The following PROM1 variants were observed in gnomAD, a reference collection of about 807,000 sequenced individuals.
PROM1 encodes the protein prominin 1, also known as prominin-1.
Under a neutral mutation model 116.9 loss-of-function variants are expected in PROM1, and 105 were observed. The observed-to-expected ratio is 0.90, with a 90% confidence interval of 0.77 to 1.06. The LOEUF (loss-of-function observed/expected upper bound fraction) is 1.06. Ranked by LOEUF, PROM1 falls within the 50% of genes least tolerant of loss-of-function variation. PROM1 has a pLI of 0.00. For missense variants in PROM1, 1,122 were observed against 1,045.2 expected (o/e 1.07, Z -1.01); for synonymous variants, 393 against 387.0 (o/e 1.02, Z -0.18).
intron 16 of PROM1, among the ~76,000 whole-genome samples, chr4:15,993,267 GGAAAC>G (rs1721510319): frequency 6.6e-6 from 1 of 152,112 alleles, no homozygotes; most frequent in East Asian, 1.9e-4. Flanking sequence ...CTCTCATTCT[GGAAAC>G]CCAAAAGAGA....
intron 1 of PROM1, chr4:16,080,034 A>AG: frequency 1.3e-5 from 2 of 151,298 alleles, no homozygotes; most frequent in Admixed American, 6.6e-5. Flanking sequence ...AAAAAAAAAA[A>AG]AAATTTAAAT....
chr4:16,035,235 C>T (rs769710263), intron 4 of PROM1, among the ~76,000 whole-genome samples: 1 of 152,156 alleles, frequency 6.6e-6, no homozygotes, highest in African/African-American at 2.4e-5. Flanking sequence ...CTCTTACTTA[C>T]GTATTTTTCC....
At chr4:15,986,151 C>A in intron 20 of PROM1, 114 bp from the exon 21 acceptor site, 2 of 714,684 alleles carry the variant, frequency 2.8e-6, no homozygotes, top group African/African-American at 1.8e-5. Context: ...CGACCTGGAC[C>A]TGCTAGTTAA....
chr4:16,065,233 C>G (rs932541524), intron 2 of PROM1, among the ~76,000 whole-genome samples: 1 of 152,198 alleles, frequency 6.6e-6, no homozygotes, highest in Non-Finnish European at 1.5e-5. Flanking sequence ...CTCCTCAGAC[C>G]ATGTCCTCAC....
rs767236230 is a variant in PROM1 at position 15,998,404 on chromosome 4, T to G, written c.1663A>C (p.Thr555Pro). The G allele has an allele frequency of 1.2e-6, 2 of 1,603,402 alleles. No homozygotes were observed. The highest frequency in any genetic ancestry group is 3.5e-5 in the Admixed American group (2 of 57,466). Reference protein sequence around the residue: ...KLFNKSKMKLTFEQVYSDCKK... With the variant: ...KLFNKSKMKLPFEQVYSDCKK... ...TGATACCTGTAAACTTGTTCAAAAG[T>G]GAGCTTCATTTTTGATTTATTAAAT... Residue 555 changes from threonine to proline, a missense_variant, in exon 15 of 28, where the codon ACT becomes CCT. Physicochemically the swap from Thr to Pro is conservative, Grantham distance 38 (BLOSUM62 -1). Transcript: ENST00000447510.
intron 1 of PROM1, among the ~76,000 whole-genome samples, chr4:16,076,897 G>A (rs913636752): frequency 2.6e-5 from 4 of 152,180 alleles, no homozygotes; most frequent in Non-Finnish European, 4.4e-5. Context: ...CAGCATGCTC[G>A]TTAAGAGTCA....
At chr4:16,067,411 C>A (rs1326962725) in intron 2 of PROM1, among the ~76,000 whole-genome samples, 1 of 152,198 alleles carries the variant, frequency 6.6e-6, no homozygotes, top group African/African-American at 2.4e-5. Flanking sequence ...TATTTGATCT[C>A]TGAGCCTCGA....
intron 2 of PROM1, among the ~76,000 whole-genome samples, chr4:16,061,541 C>A (rs541981750): frequency 6.6e-6 from 1 of 152,354 alleles, no homozygotes; most frequent in Non-Finnish European, 1.5e-5. Context: ...ACATGGACAT[C>A]AGTTCCGTCC....
At chr4:16,083,308 C>T (rs1269533375) in intron 1 of PROM1, 4 of 152,364 alleles carry the variant, frequency 2.6e-5, no homozygotes. Flanking sequence ...ACCTCCGACT[C>T]CCGCTCCGGA....
At chr4:16,031,130 T>C (rs1356042783) in intron 5 of PROM1, among the ~76,000 whole-genome samples, 1 of 152,206 alleles carries the variant, frequency 6.6e-6, no homozygotes, top group East Asian at 1.9e-4. Flanking sequence ...CTACATTCAA[T>C]AAAGAATTTT....
chr4:15,999,237 C>CG (rs1723087723), intron 14 of PROM1, among the ~76,000 whole-genome samples: 2 of 151,920 alleles, frequency 1.3e-5, no homozygotes, highest in African/African-American at 2.4e-5. Flanking sequence ...TTTGGGAGGC[C>CG]AAGGTGGGCA....
At chr4:15,988,098 G>A (rs1719951848) in intron 19 of PROM1, among the ~76,000 whole-genome samples, 2 of 152,030 alleles carry the variant, frequency 1.3e-5, no homozygotes, top group African/African-American at 4.8e-5. Context: ...AGATGGTCTC[G>A]ATCTCCTGAC....
At chr4:15,997,442 T>TAC (rs1275306465) in intron 15 of PROM1, among the ~76,000 whole-genome samples, 22 of 150,996 alleles carry the variant, frequency 1.5e-4, no homozygotes, top group African/African-American at 5.4e-4. Flanking sequence ...AGTTGTTATA[T>TAC]ATATATATAC....
intron 4 of PROM1, among the ~76,000 whole-genome samples, chr4:16,034,815 C>T (rs1052871382): frequency 1.3e-5 from 2 of 152,188 alleles, no homozygotes; most frequent in East Asian, 1.9e-4. Flanking sequence ...GAGAGACCTG[C>T]TTTACATCCC....
intron 2 of PROM1, among the ~76,000 whole-genome samples, chr4:16,045,256 G>T (rs1004279786): frequency 2.6e-5 from 4 of 152,072 alleles, no homozygotes; most frequent in Admixed American, 2.6e-4. Flanking sequence ...GGACATACAC[G>T]CACACCACTT....
intron 22 of PROM1, among the ~76,000 whole-genome samples, 178 bp from the exon 23 acceptor site, chr4:15,984,533 T>C (rs1718829632): frequency 6.6e-6 from 1 of 152,226 alleles, no homozygotes. Context: ...CACAGCCTGT[T>C]AGGAACTGGG....
intron 2 of PROM1, among the ~76,000 whole-genome samples, chr4:16,049,356 A>C (rs1249489537): frequency 6.6e-6 from 1 of 152,236 alleles, no homozygotes; most frequent in African/African-American, 2.4e-5. Flanking sequence ...TCAGCTGTCA[A>C]CAATGGCTTC....
chr4:16,006,637 T>TA lies in PROM1; in HGVS notation c.1354dup (p.Tyr452LeufsTer13), dbSNP rs543698823. ...CACGCCACACAGTAAGCCCAGGTAG[T>TA]AAAAAATCACGATGAGGGTCAGCAG... On this transcript the variant is annotated frameshift_variant, in exon 13 of 28. Coordinates refer to ENST00000447510, the MANE Select transcript of PROM1 (RefSeq NM_006017.3). LOFTEE classifies it high-confidence loss of function. The TA allele has an allele frequency of 3.3e-4, 534 of 1,612,370 alleles. No homozygotes were observed. The highest frequency in any genetic ancestry group is 4.1e-4 in the Non-Finnish European group (484 of 1,179,450).
chr4:15,993,138 C>T (rs3796850), intron 16 of PROM1, among the ~76,000 whole-genome samples: 12,198 of 152,234 alleles, frequency 0.08, 1,532 homozygotes, highest in African/African-American at 0.26. Context: ...AGCTTTCAAA[C>T]ACAGCTTTTC....
Sources: gnomAD v4.1 joint callset for allele counts (sites outside exome capture counted in the v4.1 genomes callset) on GRCh38, gnomAD v4.1.1 for gene constraint, MANE v1.5 for transcripts, NCBI Gene and HGNC (gene_info 2026-07-23, HGNC 2026-07-21) for gene names.